The following MNAT1 variants were observed in gnomAD, a reference collection of about 807,000 sequenced individuals.
MNAT1 encodes the protein MNAT1 component of CDK activating kinase, also known as CDK-activating kinase assembly factor MAT1.
In MNAT1, 43 loss-of-function variants were observed where a neutral mutation model predicts 42.0. The observed-to-expected ratio is 1.02, with a 90% CI of 0.80 to 1.32. MNAT1 has a LOEUF of 1.32. MNAT1 is among the 40% of genes most tolerant of loss of function. The pLI is 0.00. For synonymous variants in MNAT1, 118 were observed against 120.0 expected (o/e 0.98, Z 0.11); for missense variants, 306 against 350.4 (o/e 0.87, Z 1.01).
chr14:60,923,444 T>C (rs2035703145), intron 7 of MNAT1, among the ~76,000 whole-genome samples: 1 of 152,246 alleles, frequency 6.6e-6, no homozygotes, highest in African/African-American at 2.4e-5. Context: ...ATGCTTCTGT[T>C]ACATTTGCTA....
At chr14:60,913,659 A>T (rs1449875945) in intron 7 of MNAT1, among the ~76,000 whole-genome samples, 2 of 152,134 alleles carry the variant, frequency 1.3e-5, no homozygotes, top group Non-Finnish European at 2.9e-5. Flanking sequence ...GTGAACCGCA[A>T]ATGCTGCTGC....
chr14:60,769,216 C>T (rs1353851195), intron 1 of MNAT1, among the ~76,000 whole-genome samples: 1 of 151,934 alleles, frequency 6.6e-6, no homozygotes, highest in African/African-American at 2.4e-5. Flanking sequence ...AAACAGTATA[C>T]TATTTAGTTG....
intron 7 of MNAT1, among the ~76,000 whole-genome samples, chr14:60,938,239 C>T (rs2036052205): frequency 1.3e-5 from 2 of 152,088 alleles, no homozygotes; most frequent in African/African-American, 4.8e-5. Context: ...GCCTGATTGC[C>T]CTGGCCAGAA....
chr14:60,845,311 AT>A (rs910305959), intron 6 of MNAT1, among the ~76,000 whole-genome samples: 3 of 151,384 alleles, frequency 2.0e-5, no homozygotes, highest in South Asian at 2.1e-4. Context: ...GCTTTTCTCT[AT>A]TTTTTTTAGT....
intron 6 of MNAT1, among the ~76,000 whole-genome samples, chr14:60,847,602 G>T (rs574153801): frequency 6.6e-6 from 1 of 152,074 alleles, no homozygotes; most frequent in African/African-American, 2.4e-5. Flanking sequence ...TTTAATGTTT[G>T]TTTTGTATAT....
At chr14:60,838,540 C>T (rs1211884143) in intron 6 of MNAT1, among the ~76,000 whole-genome samples, 1 of 151,944 alleles carries the variant, frequency 6.6e-6, no homozygotes, top group Non-Finnish European at 1.5e-5. Context: ...TTTCTAGTTT[C>T]TAAAGGTGGA....
intron 7 of MNAT1, among the ~76,000 whole-genome samples, chr14:60,884,595 C>T (rs866659883): frequency 1.3e-5 from 2 of 152,098 alleles, no homozygotes; most frequent in South Asian, 2.1e-4. Context: ...AAAAACTCTA[C>T]ACTTTAACTT....
At chr14:60,820,084 A>G (rs1397826369) in intron 6 of MNAT1, among the ~76,000 whole-genome samples, 1 of 152,252 alleles carries the variant, frequency 6.6e-6, no homozygotes. Flanking sequence ...TTTGGCTTTT[A>G]TCATTATATG....
intron 7 of MNAT1, among the ~76,000 whole-genome samples, chr14:60,928,867 C>T (rs1488608896): frequency 6.6e-6 from 1 of 151,474 alleles, no homozygotes; most frequent in South Asian, 2.1e-4. Flanking sequence ...TGTGGCTGGG[C>T]ACAGTGGCTC....
At chr14:60,860,723 A>G (rs1208392776) in intron 6 of MNAT1, among the ~76,000 whole-genome samples, 1 of 152,086 alleles carries the variant, frequency 6.6e-6, no homozygotes, top group Non-Finnish European at 1.5e-5. Context: ...CTAAAGCCCC[A>G]TGCTTTTAAC....
At chr14:60,848,096 T>C (rs1021684046) in intron 6 of MNAT1, among the ~76,000 whole-genome samples, 3 of 152,214 alleles carry the variant, frequency 2.0e-5, no homozygotes, top group African/African-American at 7.2e-5. Flanking sequence ...CAGGACATCT[T>C]TACTATTTTT....
intron 7 of MNAT1, among the ~76,000 whole-genome samples, chr14:60,929,170 A>AAAAATAT (rs1555336771): frequency 4.2e-5 from 2 of 47,462 alleles, no homozygotes; most frequent in East Asian, 4.8e-4. Context: ...AAAAAAAAAA[A>AAAAATAT]ATATATATAT....
intron 6 of MNAT1, among the ~76,000 whole-genome samples, chr14:60,831,497 G>C (rs1339012514): frequency 6.6e-6 from 1 of 152,154 alleles, no homozygotes; most frequent in Non-Finnish European, 1.5e-5. Context: ...TCCTTGCAAA[G>C]GACATGACCT....
At chr14:60,822,695 C>T (rs751377812) in intron 6 of MNAT1, among the ~76,000 whole-genome samples, 35 of 151,514 alleles carry the variant, frequency 2.3e-4, no homozygotes, top group Non-Finnish European at 4.6e-4. Context: ...TGGAACGCCT[C>T]AGCCTTCGAA....
chr14:60,848,673 A>G (rs1202843780), intron 6 of MNAT1, among the ~76,000 whole-genome samples: 1 of 151,916 alleles, frequency 6.6e-6, no homozygotes, highest in South Asian at 2.1e-4. Context: ...GCTTCATGGG[A>G]TTTCATAAAC....
chr14:60,753,427 T>C (rs2030191752), intron 1 of MNAT1: 1 of 152,194 alleles, frequency 6.6e-6, no homozygotes, highest in Non-Finnish European at 1.5e-5. Context: ...ACTCATGTGG[T>C]TTTTGTCAGG....
intron 1 of MNAT1, among the ~76,000 whole-genome samples, chr14:60,743,682 G>C (rs1170447399): frequency 6.6e-6 from 1 of 152,176 alleles, no homozygotes; most frequent in East Asian, 1.9e-4. Flanking sequence ...AGTGTTTGAA[G>C]GATATTTTTG....
rs1047904693 is a variant in MNAT1 at position 60,916,043 on chromosome 14, T to G, written c.809+36208T>G. The stretch of plus-strand genomic sequence containing the variant: ...TTTCTTGGAGCGCTGTGGTAACTTT[T>G]CCATGAAGCAGGTCTTCTTCCTTAG... On this transcript the variant is annotated intron_variant, in intron 7 of 7. Coordinates refer to ENST00000261245, the MANE Select transcript of MNAT1 (RefSeq NM_002431.4). 4.6e-5 allele frequency among the ~76,000 whole-genome samples: 7 copies of G among 152,340 alleles called. 1 individual carries two copies. The South Asian group carries it at 1.4e-3, about 32-fold the overall frequency.
chr14:60,751,734 G>C (rs903018334), intron 1 of MNAT1, among the ~76,000 whole-genome samples: 2 of 151,410 alleles, frequency 1.3e-5, no homozygotes, highest in African/African-American at 4.9e-5. Context: ...GGAGTGTTAG[G>C]TTTTCTTTTC....
Sources: allele counts gnomAD v4.1 joint callset (sites outside exome capture counted in the v4.1 genomes callset), GRCh38; gene constraint gnomAD v4.1.1; transcripts MANE v1.5; gene names NCBI Gene and HGNC (gene_info 2026-07-23, HGNC 2026-07-21).